Variants in LRRC43 observed in about 807,000 individuals in gnomAD.
The protein encoded by LRRC43 is leucine rich repeat containing 43, also known as leucine-rich repeat-containing protein 43.
In LRRC43, 62 loss-of-function variants were observed where a neutral mutation model predicts 64.3. That is an observed-to-expected ratio of 0.96 (90% CI 0.79 to 1.19). The LOEUF (loss-of-function observed/expected upper bound fraction) is 1.19, where lower values mean the gene tolerates loss of function less well. Ranked by LOEUF, LRRC43 falls within the 50% of genes most tolerant of loss-of-function variation. The pLI, the probability that LRRC43 is intolerant of heterozygous loss-of-function variation, is 0.00. For synonymous variants in LRRC43, 422 were observed against 382.3 expected (o/e 1.10, Z -1.21); for missense variants, 868 against 845.0 (o/e 1.03, Z -0.34).
intron 1 of LRRC43, among the ~76,000 whole-genome samples, chr12:122,170,354 G>T (rs1382610715): frequency 6.6e-6 from 1 of 152,074 alleles, no homozygotes; most frequent in East Asian, 1.9e-4. Flanking sequence ...CTACGGGGCC[G>T]GGCACGGTGG....
In LRRC43 at chr12:122,192,756, C is replaced by T; in HGVS notation, c.1101C>T (p.Pro367=). 1 of 1,613,564 alleles carries T rather than the reference C, an allele frequency of 6.2e-7. No individual in the cohort carries two copies. The change falls in exon 7 of 12, where the codon CCC becomes CCT. Residue 367 remains proline (P), a synonymous_variant. Coordinates refer to ENST00000339777, the MANE Select transcript of LRRC43 (RefSeq NM_001098519.2). ...GTCTCTTCCTGCAGATCGTCAAGCCCTCTCCCAGCTTAGAATTATTAGTTG... is the reference window on the plus strand; with the variant it reads ...GTCTCTTCCTGCAGATCGTCAAGCCTTCTCCCAGCTTAGAATTATTAGTTG... ...SAGVLAEIVK[P]SPSLELLVEE...
Position 122,172,216 on chromosome 12 carries a change from C to G in LRRC43, c.-406+4434C>G, listed in dbSNP as rs920836916. 3 of 545,212 alleles carry G rather than the reference C, an allele frequency of 5.5e-6. No individual in the cohort carries two copies. In the African/African-American group the frequency reaches 5.7e-5, roughly 10 times the overall value. 33.8% of individuals were successfully genotyped at this position (545,212 alleles called of 1,614,324 possible). On this transcript the variant is annotated intron_variant, in intron 1 of 5. Coordinates refer to the LRRC43 transcript ENST00000537729. The stretch of plus-strand genomic sequence containing the variant: ...ATTCCATAAATACCAAGACTAATAA[C>G]AATAACCTAATGTTTTTCAAGGTAA...
In LRRC43 at chr12:122,200,902, A is replaced by G; in HGVS notation, c.1777A>G (p.Thr593Ala). Reference sequence around the variant, plus strand: ...CGTGTGCAACTTCGGCGTGGTCCGCACATTGACATCTGACAGGCTGACGTT... The same window carrying G: ...CGTGTGCAACTTCGGCGTGGTCCGCGCATTGACATCTGACAGGCTGACGTT... ...STVCNFGVVRTLTSDRLTLAR... is the reference protein window; with the variant it reads ...STVCNFGVVRALTSDRLTLAR... Residue 593 changes from threonine (T) to alanine (A), a missense_variant, in exon 10 of 12, where the codon ACA (threonine) becomes GCA (alanine). Coordinates refer to ENST00000339777, the MANE Select transcript of LRRC43 (RefSeq NM_001098519.2). This position sits in a 1 kb window ranked among gnomAD's most constrained non-coding sequence, Gnocchi z 4.6. 6.2e-7 allele frequency: 1 copy of G among 1,610,234 alleles called. No individual in the cohort carries two copies. The highest frequency in any genetic ancestry group is 2.2e-5 in the East Asian group (1 of 44,860).
chr12:122,190,268 C>T lies in LRRC43; in HGVS notation c.801C>T (p.Arg267=), dbSNP rs146275848. ...GNPLALVPYY[R]GLTIDSLAQL... is the part of the protein sequence containing the mutation. ...CACTGGCCTTGGTGCCCTACTACCG[C>T]GGCCTCACCATCGACAGCCTGGCCC... Residue 267 remains arginine (R), a synonymous_variant, in exon 5 of 12, where the codon CGC becomes CGT. Coordinates refer to ENST00000339777, the MANE Select transcript of LRRC43 (RefSeq NM_001098519.2). The T allele has an allele frequency of 5.9e-4, 951 of 1,614,188 alleles. No individual in the cohort carries two copies. Among genetic ancestry groups the T allele is most frequent in the Non-Finnish European group, 6.5e-4 (771 of 1,180,036 alleles).
intron 1 of LRRC43, among the ~76,000 whole-genome samples, chr12:122,176,449 G>A (rs1392943882): frequency 6.6e-6 from 1 of 152,196 alleles, no homozygotes; most frequent in African/African-American, 2.4e-5. Flanking sequence ...ATGTGACGAG[G>A]CAGTGCTGGG....
Position 122,184,946 on chromosome 12 carries a change from A to G in LRRC43, c.411+167A>G, listed in dbSNP as rs1160174824. ...CATCTCCCTGGCTTGTGTGCCAGGC[A>G]GGGCCGGCTACTCGGTCAGCCTTGC... On this transcript the variant is annotated intron_variant, in intron 2 of 11. Transcript: ENST00000339777. The surrounding 1 kb of genome is among the most constrained non-coding windows in gnomAD (Gnocchi z 4.0). 6.6e-6 allele frequency among the ~76,000 whole-genome samples: 1 copy of G among 152,092 alleles called. No individual in the cohort carries two copies. The highest frequency in any genetic ancestry group is 1.5e-5 in the Non-Finnish European group (1 of 68,002).
At chr12:122,199,472 C>CG (rs1270664249) in intron 7 of LRRC43, among the ~76,000 whole-genome samples, 2 of 151,224 alleles carry the variant, frequency 1.3e-5, no homozygotes, top group African/African-American at 4.9e-5. Context: ...TTAGTAGAGA[C>CG]GGGGTTTCAC....
intron 7 of LRRC43, among the ~76,000 whole-genome samples, chr12:122,194,199 A>G (rs12426823): frequency 6.6e-6 from 1 of 151,690 alleles, no homozygotes; most frequent in Non-Finnish European, 1.5e-5. Context: ...AAAGGAGAGC[A>G]CAAATATAAA....
At chr12:122,186,107 G>A (rs945519767) in intron 2 of LRRC43, 83 bp from the exon 3 acceptor site, 20 of 754,154 alleles carry the variant, frequency 2.7e-5, no homozygotes, top group East Asian at 8.1e-5. Flanking sequence ...TGGAGGAGCC[G>A]CTGTCTTCCT....
intron 6 of LRRC43, 144 bp from the exon 7 acceptor site, chr12:122,192,601 C>T (rs61955586): frequency 0.065 from 56,225 of 862,324 alleles, 2,569 homozygotes; most frequent in African/African-American, 0.19. Context: ...GGTTTCTAAG[C>T]GCCTTCCTGC....
At chr12:122,172,504 G>A (rs374682998) in intron 1 of LRRC43, 21 of 1,613,996 alleles carry the variant, frequency 1.3e-5, no homozygotes, top group Admixed American at 5.0e-5. Context: ...AGGATGAAGC[G>A]TTTACATTCA....
intron 7 of LRRC43, among the ~76,000 whole-genome samples, chr12:122,198,717 C>T (rs1261359726): frequency 2.7e-5 from 4 of 149,826 alleles, no homozygotes; most frequent in African/African-American, 9.9e-5. Context: ...GCAACCTCCA[C>T]CTCCCAGGTT....
chr12:122,187,097 G>A (rs12427088), intron 3 of LRRC43, among the ~76,000 whole-genome samples: 36,078 of 151,390 alleles, frequency 0.24, 5,376 homozygotes, highest in Non-Finnish European at 0.31. Flanking sequence ...CAGGCGTCGT[G>A]GCTGGTGCCT....
Position 122,192,908 on chromosome 12 carries a change from C to T in LRRC43, c.1253C>T (p.Ser418Leu), listed in dbSNP as rs1321614947. 5 of 1,614,012 alleles carry T rather than the reference C, an allele frequency of 3.1e-6. No homozygotes were observed. The highest frequency in any genetic ancestry group is 2.7e-5 in the African/African-American group (2 of 74,904). The change falls in exon 7 of 12, where the codon TCG becomes TTG. Residue 418 changes from serine to leucine, a missense_variant. Transcript: ENST00000339777. ...ESGESELSVISGPSTILQMPR... is the reference protein window; with the variant it reads ...ESGESELSVILGPSTILQMPR... ...GGAGAGTCGGAGCTGTCTGTCATCTCGGGGCCTTCGACCATCTTGCAGATG... is the reference window on the plus strand; with the variant it reads ...GGAGAGTCGGAGCTGTCTGTCATCTTGGGGCCTTCGACCATCTTGCAGATG...
rs1338036708 is a variant in LRRC43 at position 122,200,324 on chromosome 12, G to A, written c.1485G>A (p.Glu495=). The part of the protein sequence containing the change: ...LLAGTTVTIV[E]EKILSWPVVL... ...CGGGGACCACCGTGACCATCGTGGAGGAGAAGGTGGGCAGGCGGAGGCAGT... is the reference window on the plus strand; with the variant it reads ...CGGGGACCACCGTGACCATCGTGGAAGAGAAGGTGGGCAGGCGGAGGCAGT... The change falls in exon 8 of 12, where the codon GAG becomes GAA. Residue 495 remains glutamate, a synonymous_variant. Transcript: ENST00000339777. The surrounding 1 kb of genome is among the most constrained non-coding windows in gnomAD (Gnocchi z 4.6). 6.2e-7 allele frequency: 1 copy of A among 1,610,742 alleles called. No individual in the cohort carries two copies. Among genetic ancestry groups the A allele is most frequent in the South Asian group, 1.1e-5 (1 of 91,070 alleles).
At chr12:122,182,670 G>T (rs12229841), upstream of LRRC43, among the ~76,000 whole-genome samples, 23,967 of 152,034 alleles carry the variant, frequency 0.16, 2,183 homozygotes, top group Admixed American at 0.25. Context: ...TCCAGCCTGG[G>T]CGACAGAGCG....
intron 5 of LRRC43, 26 bp from the exon 6 acceptor site, chr12:122,191,354 C>T: frequency 6.3e-7 from 1 of 1,587,998 alleles, no homozygotes; most frequent in Non-Finnish European, 8.6e-7. Context: ...CATGGGCCCC[C>T]CTGTCCTGCC....
At chr12:122,196,076 G>T (rs1953770418) in intron 7 of LRRC43, among the ~76,000 whole-genome samples, 1 of 152,142 alleles carries the variant, frequency 6.6e-6, no homozygotes, top group South Asian at 2.1e-4. Context: ...CTCTTTGACT[G>T]TTCCCCTTTG....
intron 6 of LRRC43, 63 bp from the exon 7 acceptor site, chr12:122,192,682 C>T (rs554837562): frequency 2.5e-6 from 4 of 1,577,944 alleles, no homozygotes; most frequent in Non-Finnish European, 3.5e-6. Flanking sequence ...CAGACACCCC[C>T]GGCATCAGCT....
Sources: gnomAD v4.1 joint callset for allele counts (sites outside exome capture counted in the v4.1 genomes callset) on GRCh38, gnomAD v4.1.1 for gene constraint, Gnocchi (gnomAD v3.1) non-coding constraint, MANE v1.5 for transcripts, NCBI Gene and HGNC (gene_info 2026-07-23, HGNC 2026-07-21) for gene names.